The following AGAP1 variants were observed in gnomAD, a reference collection of about 807,000 sequenced individuals.
AGAP1 encodes the protein ArfGAP with GTPase domain, ankyrin repeat and PH domain 1, also known as arf-GAP with GTPase, ANK repeat and PH domain-containing protein 1.
A neutral mutation model predicts 105.3 loss-of-function variants in AGAP1; 29 were observed. That is an observed-to-expected ratio of 0.28 (90% confidence interval 0.21 to 0.38). The LOEUF is 0.38. AGAP1 is among the 10% of genes least tolerant of loss of function. AGAP1 has a pLI of 1.00. For missense variants in AGAP1, 998 were observed against 1,165.1 expected (o/e 0.86, Z 2.09); for synonymous variants, 509 against 485.9 (o/e 1.05, Z -0.63).
At chr2:235,761,797 T>C (rs1575369309) in intron 6 of AGAP1, among the ~76,000 whole-genome samples, 1 of 79,188 alleles carries the variant, frequency 1.3e-5, no homozygotes, top group South Asian at 2.8e-4. Context: ...TTTTTTATAA[T>C]TTTTTTTTCC....
rs977564506 is a variant in AGAP1 at position 236,035,127 on chromosome 2, G to T, written c.1646-1434G>T. The stretch of plus-strand genomic sequence containing the variant: ...GGAAGCTGGGCTAGAGGGACCAAGA[G>T]TCTGGAAGATCAGAGGTCCGTGCAG... On this transcript the variant is annotated intron_variant, in intron 13 of 17. Coordinates refer to ENST00000304032, the MANE Select transcript of AGAP1 (RefSeq NM_001037131.3). This position sits in a 1 kb window ranked among gnomAD's most constrained non-coding sequence, Gnocchi z 4.2. Among the ~76,000 whole-genome samples, 4 of 152,250 alleles carry T rather than the reference G, an allele frequency of 2.6e-5. No individual in the cohort carries two copies. Among genetic ancestry groups the T allele is most frequent in the African/African-American group, 9.6e-5 (4 of 41,472 alleles).
rs1302857956 is a variant in AGAP1, at chr2:235,889,634, G to T, written c.1155+6185G>T. Among the ~76,000 whole-genome samples the T allele has an allele frequency of 6.7e-6, 1 of 149,422 alleles. No individual in the cohort carries two copies. The highest frequency in any genetic ancestry group is 1.5e-5 in the Non-Finnish European group (1 of 67,790). ...CAGTAATCCCTAGTTCCTTTGACTTGCAGCTCAGCCTCACTCTGTCCTTTA... is the reference window on the plus strand; with the variant it reads ...CAGTAATCCCTAGTTCCTTTGACTTTCAGCTCAGCCTCACTCTGTCCTTTA... On this transcript the variant is annotated intron_variant, in intron 10 of 17. Coordinates refer to ENST00000304032, the MANE Select transcript of AGAP1 (RefSeq NM_001037131.3). The surrounding 1 kb of genome is among the most constrained non-coding windows in gnomAD (Gnocchi z 4.6).
chr2:235,878,966 G>A, intron 9 of AGAP1, among the ~76,000 whole-genome samples: 1 of 152,232 alleles, frequency 6.6e-6, no homozygotes, highest in Non-Finnish European at 1.5e-5. Flanking sequence ...AAGACCAAAA[G>A]TGTTGGGCTG....
At position 236,127,512 on chromosome 2, in the gene AGAP1, T is replaced by C. The variant is rs1464142040; in HGVS notation, c.*3390T>C. 2 of 152,214 alleles carry C rather than the reference T, an allele frequency of 1.3e-5. No homozygotes were observed. Among genetic ancestry groups the C allele is most frequent in the African/African-American group, 4.8e-5 (2 of 41,412 alleles). The allele number at this position is 152,214 out of a possible 1,614,324, so 9.4% of individuals were successfully genotyped here. On this transcript the variant is annotated 3_prime_UTR_variant, in exon 18 of 18. Coordinates refer to ENST00000304032, the MANE Select transcript of AGAP1 (RefSeq NM_001037131.3). The surrounding 1 kb of genome is among the most constrained non-coding windows in gnomAD (Gnocchi z 6.6). ...CAGGAGAGAGCGGGATCTTAATGAATTGCATTTCCTGCAGAGCCTCTAGTG... is the reference window on the plus strand; with the variant it reads ...CAGGAGAGAGCGGGATCTTAATGAACTGCATTTCCTGCAGAGCCTCTAGTG...
chr2:235,592,860 T>G (rs1430874798), intron 1 of AGAP1, among the ~76,000 whole-genome samples: 1 of 151,524 alleles, frequency 6.6e-6, no homozygotes, highest in Admixed American at 6.6e-5. Flanking sequence ...AAGATGGAGG[T>G]GGGGATCAGC....
In AGAP1 at chr2:235,728,093, T is replaced by A. The variant is rs146901494; in HGVS notation, c.310+10449T>A. Among the ~76,000 whole-genome samples, 26 of 152,290 alleles carry A rather than the reference T, an allele frequency of 1.7e-4. No individual in the cohort carries two copies. The highest frequency in any genetic ancestry group is 3.1e-4 in the Non-Finnish European group (21 of 68,026). On this transcript the variant is annotated intron_variant, in intron 3 of 17. Coordinates refer to ENST00000304032, the MANE Select transcript of AGAP1 (RefSeq NM_001037131.3). This position sits in a 1 kb window ranked among gnomAD's most constrained non-coding sequence, Gnocchi z 4.3. ...GGGGGCCTGGACACTAAGTGCCACT[T>A]CTCTGCCCATGGCAAATTCCAAGGG...
chr2:236,112,881 C>A (rs1364176503), intron 16 of AGAP1, among the ~76,000 whole-genome samples: 3 of 151,928 alleles, frequency 2.0e-5, no homozygotes, highest in Non-Finnish European at 2.9e-5. Flanking sequence ...ATTGGGAGCC[C>A]CCCTGCTTCC....
chr2:235,649,611 A>G (rs544669508), intron 1 of AGAP1, among the ~76,000 whole-genome samples: 31 of 152,240 alleles, frequency 2.0e-4, no homozygotes, highest in African/African-American at 5.8e-4. Context: ...GACTCAAGCA[A>G]CCTTCCTGCC....
chr2:235,550,395 G>A lies in AGAP1; in HGVS notation c.163+55546G>A, dbSNP rs563623894. ...TGCCAGTGACTTCTCATAGCTGTTC[G>A]TCATTGGGAGTCACTGAGCATGCAC... On this transcript the variant is annotated intron_variant, in intron 1 of 17. Transcript: ENST00000304032. This position sits in a 1 kb window ranked among gnomAD's most constrained non-coding sequence, Gnocchi z 4.6. 6.6e-5 allele frequency among the ~76,000 whole-genome samples: 10 copies of A among 152,290 alleles called. No individual in the cohort carries two copies. Among genetic ancestry groups the A allele is most frequent in the East Asian group, 5.8e-4 (3 of 5,188 alleles).
chr2:235,810,192 C>T (rs1251845829), intron 9 of AGAP1, among the ~76,000 whole-genome samples: 1 of 152,172 alleles, frequency 6.6e-6, no homozygotes, highest in Non-Finnish European at 1.5e-5. Context: ...CCTGCAGCAA[C>T]ATATTTCTCC....
At chr2:235,656,561 C>T (rs545378815) in intron 1 of AGAP1, among the ~76,000 whole-genome samples, 2 of 152,240 alleles carry the variant, frequency 1.3e-5, no homozygotes, top group African/African-American at 4.8e-5. Flanking sequence ...CCATTTTTCC[C>T]ACCGAACCAC....
intron 12 of AGAP1, among the ~76,000 whole-genome samples, chr2:235,933,722 G>A (rs748185940): frequency 8.6e-5 from 13 of 151,536 alleles, no homozygotes; most frequent in Non-Finnish European, 1.6e-4. Context: ...TAGTAGAGAC[G>A]GGGTTTCACC....
intron 11 of AGAP1, among the ~76,000 whole-genome samples, chr2:235,911,022 C>T (rs1030534717): frequency 9.2e-5 from 14 of 152,086 alleles, no homozygotes; most frequent in Admixed American, 2.6e-4. Context: ...TCCCTTCTGA[C>T]CATCACATCT....
chr2:235,766,497 G>T (rs752158863), intron 6 of AGAP1, among the ~76,000 whole-genome samples: 1 of 152,198 alleles, frequency 6.6e-6, no homozygotes. Flanking sequence ...TGGTTTAAGA[G>T]ACCATTTAGA....
chr2:235,702,373 G>C lies in AGAP1; in HGVS notation c.164-6806G>C, dbSNP rs1372897683. Among the ~76,000 whole-genome samples the C allele has an allele frequency of 2.0e-5, 3 of 152,328 alleles. No individual in the cohort carries two copies. In the South Asian group the frequency reaches 6.2e-4, roughly 32 times the overall value. On this transcript the variant is annotated intron_variant, in intron 1 of 17. Coordinates refer to ENST00000304032, the MANE Select transcript of AGAP1 (RefSeq NM_001037131.3). ...TTAGCAGAAGGCTCTGAAATCCCGA[G>C]GAAGGACGCAGTGGAGGCACCGCTG...
Position 235,594,891 on chromosome 2 carries a change from T to G in AGAP1, c.163+100042T>G, listed in dbSNP as rs561605654. On this transcript the variant is annotated intron_variant, in intron 1 of 17. Coordinates refer to ENST00000304032, the MANE Select transcript of AGAP1 (RefSeq NM_001037131.3). ...GCCCGGCCCAGATTGCTGTTTTTTT[T>G]TTTTTTTTTTTTTTTATGATGTAAA... 3.3e-5 allele frequency among the ~76,000 whole-genome samples: 5 copies of G among 150,946 alleles called. No homozygotes were observed. The East Asian group carries it at 7.8e-4, about 23-fold the overall frequency.
intron 6 of AGAP1, among the ~76,000 whole-genome samples, chr2:235,757,092 G>C (rs945356626): frequency 2.6e-5 from 4 of 152,180 alleles, no homozygotes; most frequent in African/African-American, 9.7e-5. Flanking sequence ...TCTTAAGCTT[G>C]TATTCATATG....
chr2:235,610,762 C>T lies in AGAP1; in HGVS notation c.164-98417C>T, dbSNP rs1200631162. Among the ~76,000 whole-genome samples, 2 of 152,102 alleles carry T rather than the reference C, an allele frequency of 1.3e-5. No homozygotes were observed. Among genetic ancestry groups the T allele is most frequent in the Non-Finnish European group, 2.9e-5 (2 of 68,032 alleles). On this transcript the variant is annotated intron_variant, in intron 1 of 17. Transcript: ENST00000304032. The surrounding 1 kb of genome is among the most constrained non-coding windows in gnomAD (Gnocchi z 4.9). The stretch of plus-strand genomic sequence containing the variant: ...CCTGCCCTGGAGTGGAAACCCTGGG[C>T]TGGGGAGGAGGTGCGCTAAGACTGG...
intron 1 of AGAP1, among the ~76,000 whole-genome samples, chr2:235,704,482 C>T (rs2149490139): frequency 6.6e-6 from 1 of 152,258 alleles, no homozygotes; most frequent in African/African-American, 2.4e-5. Flanking sequence ...CCCGTCTCTA[C>T]TAAAAATACA....
Sources: gnomAD v4.1 joint callset for allele counts (sites outside exome capture counted in the v4.1 genomes callset) on GRCh38, gnomAD v4.1.1 for gene constraint, Gnocchi (gnomAD v3.1) non-coding constraint, MANE v1.5 for transcripts, NCBI Gene and HGNC (gene_info 2026-07-23, HGNC 2026-07-21) for gene names.